The following LYPLAL1 variants were observed in gnomAD, a reference collection of about 807,000 sequenced individuals.
The protein encoded by LYPLAL1 is lysophospholipase-like protein 1.
LYPLAL1 carries 23 observed loss-of-function variants against 19.7 expected under a neutral mutation model. The ratio of observed to expected loss-of-function variants is 1.17; its 90% CI spans 0.84 to 1.65. The LOEUF is 1.65. Ranked by LOEUF, LYPLAL1 falls within the 40% of genes most tolerant of loss-of-function variation. The probability of loss-of-function intolerance (pLI) is 0.00; values close to 1 mark genes in which losing one functional copy is unlikely to be tolerated. For synonymous variants in LYPLAL1, 119 were observed against 96.3 expected, an observed-to-expected ratio of 1.24 and a Z score of -1.38; for missense variants, 355 against 279.4, an observed-to-expected ratio of 1.27 and a Z score of -1.93.
chr1:219,334,846 C>A, the LYPLAL1 span, among the ~76,000 whole-genome samples: 2 of 151,880 alleles, frequency 1.3e-5, no homozygotes, highest in East Asian at 1.9e-4. Context: ...ATTAACCTAC[C>A]AATACTCCAC....
At chr1:219,412,640 C>A in the LYPLAL1 span, among the ~76,000 whole-genome samples, 1 of 152,082 alleles carries the variant, frequency 6.6e-6, no homozygotes. Context: ...CATGAAGAAT[C>A]CATATCCTTT....
At chr1:219,375,439 C>T in the LYPLAL1 span, among the ~76,000 whole-genome samples, 1 of 141,648 alleles carries the variant, frequency 7.1e-6, no homozygotes, top group South Asian at 2.2e-4. Context: ...GCACTCGAGC[C>T]AGGATCGCAG....
chr1:219,342,784 G>A, the LYPLAL1 span, among the ~76,000 whole-genome samples: 1 of 152,156 alleles, frequency 6.6e-6, no homozygotes, highest in East Asian at 1.9e-4. Context: ...AAGTGACTGA[G>A]TTGACTCATT....
At chr1:219,280,067 A>G in the LYPLAL1 span, among the ~76,000 whole-genome samples, 1 of 152,240 alleles carries the variant, frequency 6.6e-6, no homozygotes, top group Non-Finnish European at 1.5e-5. Flanking sequence ...TGAATATTAC[A>G]TAGGCAGACA....
At chr1:219,268,045 AT>A in the LYPLAL1 span, among the ~76,000 whole-genome samples, 1 of 152,216 alleles carries the variant, frequency 6.6e-6, no homozygotes, top group African/African-American at 2.4e-5. Flanking sequence ...CATTTTACAA[AT>A]ATTTATTAAG....
At chr1:219,196,354 A>G (rs1657601403) in intron 3 of LYPLAL1, among the ~76,000 whole-genome samples, 1 of 152,096 alleles carries the variant, frequency 6.6e-6, no homozygotes, top group Non-Finnish European at 1.5e-5. Context: ...TTCAAAATTC[A>G]AAAATTCTTG....
intron 3 of LYPLAL1, 167 bp downstream of exon 3, chr1:219,193,418 ACAG>A (rs1404139517): frequency 2.5e-6 from 1 of 405,412 alleles, no homozygotes; most frequent in Admixed American, 4.3e-5. Context: ...AGAATTATAA[ACAG>A]CAGCGCATGA....
chr1:219,284,575 AAAAG>A, the LYPLAL1 span, among the ~76,000 whole-genome samples: 4 of 152,256 alleles, frequency 2.6e-5, no homozygotes, highest in Non-Finnish European at 5.9e-5. Context: ...GTAAATTAAA[AAAAG>A]AAAGAATAAG....
chr1:219,264,954 A>G, the LYPLAL1 span, among the ~76,000 whole-genome samples: 1 of 152,218 alleles, frequency 6.6e-6, no homozygotes, highest in Admixed American at 6.5e-5. Context: ...TTTTAAAAAT[A>G]TCTAATTTAT....
chr1:219,180,269 A>G (rs1182692460), intron 2 of LYPLAL1, among the ~76,000 whole-genome samples: 2 of 152,212 alleles, frequency 1.3e-5, no homozygotes, highest in Non-Finnish European at 2.9e-5. Context: ...TACAGGCATG[A>G]GGCACTGCAC....
At chr1:219,233,697 G>C in the LYPLAL1 span, among the ~76,000 whole-genome samples, 1 of 151,792 alleles carries the variant, frequency 6.6e-6, no homozygotes, top group Non-Finnish European at 1.5e-5. Flanking sequence ...TTGAGACCAC[G>C]AGGTCGAGGC....
the LYPLAL1 span, among the ~76,000 whole-genome samples, chr1:219,254,737 C>G: frequency 6.6e-6 from 1 of 151,878 alleles, no homozygotes; most frequent in Non-Finnish European, 1.5e-5. Flanking sequence ...TTGGAGAAAG[C>G]TCAATTACGT....
the LYPLAL1 span, among the ~76,000 whole-genome samples, chr1:219,441,430 AG>A: frequency 6.6e-6 from 1 of 152,216 alleles, no homozygotes; most frequent in Non-Finnish European, 1.5e-5. Flanking sequence ...GGAAATGGAT[AG>A]GGGTGCAGAT....
chr1:219,396,953 G>T, the LYPLAL1 span, among the ~76,000 whole-genome samples: 98 of 152,274 alleles, frequency 6.4e-4, 1 homozygote, highest in Admixed American at 1.8e-3. Flanking sequence ...ATACTATGTT[G>T]AGTAGGAGTG....
At chr1:219,291,222 C>T in the LYPLAL1 span, among the ~76,000 whole-genome samples, 7 of 152,138 alleles carry the variant, frequency 4.6e-5, no homozygotes, top group South Asian at 1.0e-3. Flanking sequence ...ATAATATTTG[C>T]GTATTTATAA....
At chr1:219,397,797 C>T in the LYPLAL1 span, among the ~76,000 whole-genome samples, 2 of 152,110 alleles carry the variant, frequency 1.3e-5, no homozygotes, top group Non-Finnish European at 1.5e-5. Context: ...GATTTTATTT[C>T]TTCTTTGCTT....
the LYPLAL1 span, among the ~76,000 whole-genome samples, chr1:219,227,783 G>A: frequency 6.6e-6 from 1 of 152,316 alleles, no homozygotes; most frequent in South Asian, 2.1e-4. Context: ...AACAGTATAT[G>A]TTTAAATAAT....
the LYPLAL1 span, among the ~76,000 whole-genome samples, chr1:219,359,426 A>C: frequency 2.0e-5 from 3 of 152,188 alleles, no homozygotes; most frequent in African/African-American, 7.2e-5. Flanking sequence ...TAAAACAACC[A>C]TTACTTTGGA....
chr1:219,211,898 A>G lies in LYPLAL1; in HGVS notation c.*170A>G, dbSNP rs887720627. The G allele has an allele frequency of 9.1e-5, 41 of 451,314 alleles. 1 individual carries two copies. The highest frequency in any genetic ancestry group is 3.5e-4 in the Admixed American group (9 of 25,844). 28.0% of individuals were successfully genotyped at this position (451,314 alleles called of 1,614,324 possible). Reference sequence around the variant, plus strand: ...TAGCTAATCTTATTAATGAAAAACAATAGACAAACATCTGTGCATAATTTT... The same window carrying G: ...TAGCTAATCTTATTAATGAAAAACAGTAGACAAACATCTGTGCATAATTTT... On this transcript the variant is annotated 3_prime_UTR_variant, in exon 5 of 5. Transcript: ENST00000366928.
Sources: allele counts gnomAD v4.1 joint callset (sites outside exome capture counted in the v4.1 genomes callset), GRCh38; gene constraint gnomAD v4.1.1; transcripts MANE v1.5; gene names NCBI Gene and HGNC (gene_info 2026-07-23, HGNC 2026-07-21).